Variants in MTARC2 observed in about 807,000 individuals in gnomAD.
The protein encoded by MTARC2 is MOCO sulphurase C-terminal domain containing 2.
MTARC2 carries 27 observed loss-of-function variants against 35.6 expected under a neutral mutation model. That is an observed-to-expected ratio of 0.76 (90% CI 0.56 to 1.04). The LOEUF is 1.04. Among genes scored for constraint, MTARC2 ranks in the 50% least tolerant of loss-of-function variants. The probability of loss-of-function intolerance (pLI) is 0.00; values close to 1 mark genes in which losing one functional copy is unlikely to be tolerated. For missense variants in MTARC2, 412 were observed against 432.5 expected, an observed-to-expected ratio of 0.95 and a Z score of 0.42; for synonymous variants, 158 against 167.1, an observed-to-expected ratio of 0.95 and a Z score of 0.42.
intron 4 of MTARC2, among the ~76,000 whole-genome samples, chr1:220,764,502 T>G (rs1671528326): frequency 6.6e-6 from 1 of 152,176 alleles, no homozygotes; most frequent in Admixed American, 6.5e-5. Context: ...GAAAAATAGC[T>G]GCCAGGTGCT....
In MTARC2 at chr1:220,748,416, A is replaced by T; in HGVS notation, c.-116A>T. 1.9e-6 allele frequency: 2 copies of T among 1,063,656 alleles called. No homozygotes were observed. The highest frequency in any genetic ancestry group is 2.4e-6 in the Non-Finnish European group (2 of 820,888). The allele number at this position is 1,063,656 out of a possible 1,614,324, so 65.9% of individuals were successfully genotyped here. A position where few individuals can be genotyped will look rare whatever the true frequency, so the allele number is the denominator to read the frequency against. On this transcript the variant is annotated 5_prime_UTR_variant, in exon 1 of 8. Transcript: ENST00000366913. ...GCGGTGAAAGTGTGAGAGGGTCCGT[A>T]GTTGGGTCAACTTTGACTCCTCTCG...
intron 1 of MTARC2, among the ~76,000 whole-genome samples, chr1:220,751,384 A>T (rs1467739713): frequency 2.0e-5 from 3 of 152,188 alleles, no homozygotes; most frequent in Non-Finnish European, 4.4e-5. Flanking sequence ...CTGACCTTGG[A>T]AATCTCTGCT....
At chr1:220,765,409 G>C (rs1671555149) in intron 4 of MTARC2, among the ~76,000 whole-genome samples, 1 of 152,176 alleles carries the variant, frequency 6.6e-6, no homozygotes, top group Admixed American at 6.5e-5. Flanking sequence ...TAATAACTCT[G>C]AGCAAGGAAG....
At chr1:220,778,012 T>C (rs1346458567) in intron 4 of MTARC2, among the ~76,000 whole-genome samples, 3 of 151,774 alleles carry the variant, frequency 2.0e-5, no homozygotes, top group South Asian at 4.2e-4. Flanking sequence ...GGAGGCTGAG[T>C]TGAGCGGATC....
In MTARC2 at chr1:220,777,849, G is replaced by A. The variant is rs147177524; in HGVS notation, c.751-2169G>A. On this transcript the variant is annotated intron_variant, in intron 4 of 7. Coordinates refer to ENST00000366913, the MANE Select transcript of MTARC2 (RefSeq NM_017898.5). ...ACCATGGGGTTACCTCCCAATAAAT[G>A]CATCATAAAGTCAAAAAGTTGTAAT... Among the ~76,000 whole-genome samples the A allele has an allele frequency of 3.2e-3, 489 of 152,208 alleles. 5 individuals carry two copies. The highest frequency in any genetic ancestry group is 0.011 in the African/African-American group (465 of 41,532).
At chr1:220,779,934 C>T (rs1672020122) in intron 4 of MTARC2, 84 bp from the exon 5 acceptor site, 1 of 1,041,580 alleles carries the variant, frequency 9.6e-7, no homozygotes, top group African/African-American at 1.7e-5. Flanking sequence ...ATAATAGTTT[C>T]ATACTTAATA....
chr1:220,760,104 AG>A (rs548876104), intron 2 of MTARC2, among the ~76,000 whole-genome samples: 56 of 152,308 alleles, frequency 3.7e-4, no homozygotes, highest in African/African-American at 1.3e-3. Context: ...ACAATCAGCA[AG>A]TTCTCCGGTC....
Position 220,748,513 on chromosome 1 carries a change from C to G in MTARC2, c.-19C>G. 1 of 1,379,158 alleles carries G rather than the reference C, an allele frequency of 7.3e-7. No individual in the cohort carries two copies. The allele number at this position is 1,379,158 out of a possible 1,614,324, so 85.4% of individuals were successfully genotyped here. On this transcript the variant is annotated 5_prime_UTR_variant, in exon 1 of 8. Transcript: ENST00000366913. ...GCTGCCGGGTCTGTGCGCCGGTCCGCGCCCGCCCTCGCTCTGCCATGGGCG... is the reference window on the plus strand; with the variant it reads ...GCTGCCGGGTCTGTGCGCCGGTCCGGGCCCGCCCTCGCTCTGCCATGGGCG...
At chr1:220,778,247 C>CAAAAAAAAAAA (rs60336134) in intron 4 of MTARC2, among the ~76,000 whole-genome samples, 1 of 97,338 alleles carries the variant, frequency 1.0e-5, no homozygotes, top group African/African-American at 3.9e-5. Flanking sequence ...GACTCTGTCT[C>CAAAAAAAAAAA]AAAAAAAAAA....
At chr1:220,759,787 C>T (rs756763894) in intron 2 of MTARC2, among the ~76,000 whole-genome samples, 10 of 151,856 alleles carry the variant, frequency 6.6e-5, no homozygotes, top group South Asian at 2.1e-4. Flanking sequence ...ACAGTGGCTT[C>T]GAGAAGGGGG....
intron 1 of MTARC2, among the ~76,000 whole-genome samples, chr1:220,753,256 G>T (rs1671179861): frequency 6.6e-6 from 1 of 151,842 alleles, no homozygotes; most frequent in African/African-American, 2.4e-5. Flanking sequence ...AAGAAAGAAA[G>T]AAAAAGGTGG....
chr1:220,765,364 G>C (rs1339147432), intron 4 of MTARC2, among the ~76,000 whole-genome samples: 3 of 152,204 alleles, frequency 2.0e-5, no homozygotes, highest in African/African-American at 7.2e-5. Flanking sequence ...ACACCAAGGA[G>C]TTTGGATTTT....
chr1:220,761,413 C>G (rs1375488782), intron 2 of MTARC2, among the ~76,000 whole-genome samples: 1 of 152,256 alleles, frequency 6.6e-6, no homozygotes, highest in Non-Finnish European at 1.5e-5. Context: ...CCCAGACCTA[C>G]TGAACCAGAA....
rs544647491 is a variant in MTARC2 at position 220,767,407 on chromosome 1, G to A, written c.750+4357G>A. On this transcript the variant is annotated intron_variant, in intron 4 of 7. Coordinates refer to ENST00000366913, the MANE Select transcript of MTARC2 (RefSeq NM_017898.5). ...ATTGCAAAAACACAGAGTAATAGGA[G>A]AATGTATTGTGTAACATTTACTGTC... Among the ~76,000 whole-genome samples, 290 of 152,304 alleles carry A rather than the reference G, an allele frequency of 1.9e-3. 1 individual carries two copies. The highest frequency in any genetic ancestry group is 3.4e-3 in the Non-Finnish European group (234 of 68,030).
intron 2 of MTARC2, among the ~76,000 whole-genome samples, chr1:220,761,392 TCA>T (rs1671431374): frequency 6.6e-6 from 1 of 152,216 alleles, no homozygotes; most frequent in Non-Finnish European, 1.5e-5. Context: ...ATGCAGAATC[TCA>T]GACTCTAACC....
chr1:220,763,027 A>C lies in MTARC2; in HGVS notation c.727A>C (p.Thr243Pro). 6.2e-7 allele frequency: 1 copy of C among 1,614,132 alleles called. No individual in the cohort carries two copies. The highest frequency in any genetic ancestry group is 8.5e-7 in the Non-Finnish European group (1 of 1,180,020). ...MENFRPNIVV[T>P]GCDAFEEDTW... ...GAATTTCAGGCCAAATATTGTGGTG[A>C]CCGGCTGTGATGCTTTTGAGGAGGT... Residue 243 changes from threonine (T) to proline (P), a missense_variant, in exon 4 of 8, where the codon ACC becomes CCC. Thr to Pro is a conservative substitution (Grantham distance 38, BLOSUM62 -1). Transcript: ENST00000366913.
At chr1:220,770,768 C>T (rs963751923) in intron 4 of MTARC2, among the ~76,000 whole-genome samples, 1 of 152,226 alleles carries the variant, frequency 6.6e-6, no homozygotes, top group Admixed American at 6.5e-5. Context: ...GAGTGGGAGA[C>T]TAGAATGTCT....
chr1:220,748,941 G>A (rs1388746403), intron 1 of MTARC2, 138 bp downstream of exon 1: 3 of 1,199,592 alleles, frequency 2.5e-6, no homozygotes, highest in Non-Finnish European at 2.2e-6. Flanking sequence ...TGGGCCGTTG[G>A]TCGTTTATCT....
In MTARC2 at chr1:220,757,422, C is replaced by G. The variant is rs935665866; in HGVS notation, c.446+2302C>G. Among the ~76,000 whole-genome samples, 12 of 152,144 alleles carry G rather than the reference C, an allele frequency of 7.9e-5. No individual in the cohort carries two copies. The East Asian group carries it at 2.3e-3, about 29-fold the overall frequency. On this transcript the variant is annotated intron_variant, in intron 2 of 7. Coordinates refer to ENST00000366913, the MANE Select transcript of MTARC2 (RefSeq NM_017898.5). ...TAAGCTATTTTTAATGGATTCGTTG[C>G]CAAGGGAACTGCTAAAAACTGAAGA...
Sources: allele counts gnomAD v4.1 joint callset (sites outside exome capture counted in the v4.1 genomes callset), GRCh38; gene constraint gnomAD v4.1.1; transcripts MANE v1.5; gene names NCBI Gene and HGNC (gene_info 2026-07-23, HGNC 2026-07-21).